DCAF8L2: variants seen among roughly 807,000 people sequenced by gnomAD.
DCAF8L2 encodes the protein DDB1- and CUL4-associated factor 8-like protein 2.
For missense variants in DCAF8L2, 430 were observed against 490.7 expected, an observed-to-expected ratio of 0.88 and a Z score of 1.17; for synonymous variants, 200 against 190.9, an observed-to-expected ratio of 1.05 and a Z score of -0.39.
At chrX:27,721,921 G>C (rs920785117) in intron 4 of DCAF8L2, among the ~76,000 whole-genome samples, 1 of 111,696 alleles carries the variant, frequency 9.0e-6, no homozygotes, top group Non-Finnish European at 1.9e-5. Flanking sequence ...ACCAAGCTCA[G>C]ATGGTTTCAC....
chrX:27,615,765 A>G, intron 1 of DCAF8L2, among the ~76,000 whole-genome samples: 2 of 111,575 alleles, frequency 1.8e-5, no homozygotes, highest in Admixed American at 1.9e-4. Context: ...GAATATTAAA[A>G]TACTAAGTTC....
the DCAF8L2 span, among the ~76,000 whole-genome samples, chrX:27,583,534 C>T: frequency 3.6e-5 from 4 of 110,997 alleles, no homozygotes; most frequent in Non-Finnish European, 7.6e-5. Flanking sequence ...GTGCCTGGCC[C>T]TCTGAATCTG....
intron 4 of DCAF8L2, among the ~76,000 whole-genome samples, chrX:27,741,098 A>T (rs941339643): frequency 1.3e-4 from 15 of 111,946 alleles, no homozygotes; most frequent in African/African-American, 3.9e-4. Flanking sequence ...AAAAACTTAA[A>T]TGAAAAGCCA....
intron 1 of DCAF8L2, among the ~76,000 whole-genome samples, chrX:27,591,713 G>A (rs748820997): frequency 2.7e-5 from 3 of 111,660 alleles, no homozygotes; most frequent in South Asian, 7.6e-4. Context: ...AACAATAAAC[G>A]AAGGCTCAGG....
chrX:27,580,845 C>T, the DCAF8L2 span, among the ~76,000 whole-genome samples: 2 of 111,800 alleles, frequency 1.8e-5, no homozygotes, highest in African/African-American at 6.5e-5. Context: ...ATTTTCTACA[C>T]CAGTGCTATC....
chrX:27,621,922 G>C (rs1927779162), intron 1 of DCAF8L2, among the ~76,000 whole-genome samples: 1 of 110,176 alleles, frequency 9.1e-6, no homozygotes, highest in Admixed American at 9.7e-5. Context: ...GAGACTGAGA[G>C]GTCAAGGCTG....
the DCAF8L2 span, among the ~76,000 whole-genome samples, chrX:27,506,762 C>T: frequency 0.064 from 7,166 of 111,130 alleles, 553 homozygotes; most frequent in African/African-American, 0.22. Context: ...AATCTTGGCT[C>T]ACTGCAACCT....
At chrX:27,513,842 T>C in the DCAF8L2 span, among the ~76,000 whole-genome samples, 2 of 111,629 alleles carry the variant, frequency 1.8e-5, no homozygotes, top group Non-Finnish European at 3.8e-5. Context: ...CATTGATATA[T>C]TACTTTACCC....
At chrX:27,735,851 C>T (rs1317418439) in intron 4 of DCAF8L2, among the ~76,000 whole-genome samples, 1 of 110,674 alleles carries the variant, frequency 9.0e-6, no homozygotes, top group African/African-American at 3.3e-5. Flanking sequence ...CTAATAGAAT[C>T]GGAAATTTAG....
the DCAF8L2 span, among the ~76,000 whole-genome samples, chrX:27,528,083 ATT>A: frequency 7.1e-5 from 4 of 56,737 alleles, no homozygotes; most frequent in South Asian, 1.3e-3. Context: ...AATTAAATTA[ATT>A]ATTAGACTAA....
chrX:27,502,182 G>T, the DCAF8L2 span, among the ~76,000 whole-genome samples: 1 of 102,680 alleles, frequency 9.7e-6, no homozygotes, highest in African/African-American at 3.5e-5. Flanking sequence ...TTAGCCTGGC[G>T]TGGTGGCAGG....
chrX:27,630,406 C>A (rs1362787465), intron 1 of DCAF8L2, among the ~76,000 whole-genome samples: 1 of 111,486 alleles, frequency 9.0e-6, no homozygotes. Context: ...AAGCCCCTGA[C>A]CAGATGGCTT....
intron 3 of DCAF8L2, among the ~76,000 whole-genome samples, chrX:27,689,832 A>G (rs1379690273): frequency 3.6e-5 from 4 of 112,086 alleles, no homozygotes; most frequent in African/African-American, 6.5e-5. Context: ...GCAGACATTA[A>G]CCAGAAAAAC....
intron 2 of DCAF8L2, among the ~76,000 whole-genome samples, chrX:27,649,099 C>T (rs957117555): frequency 1.8e-5 from 2 of 112,209 alleles, no homozygotes; most frequent in African/African-American, 6.5e-5. Flanking sequence ...TTACAGCCTC[C>T]AGCTGCATCC....
chrX:27,528,051 T>TATTAAATTAAATTTTTAATTTAATTAATC, the DCAF8L2 span, among the ~76,000 whole-genome samples: 1 of 42,417 alleles, frequency 2.4e-5, no homozygotes, highest in Non-Finnish European at 7.0e-5. Flanking sequence ...TTTAATTAAT[T>TATTAAATTAAATTTTTAATTTAATTAATC]ATTAAATTAA....
At chrX:27,515,466 A>G in the DCAF8L2 span, among the ~76,000 whole-genome samples, 3 of 111,832 alleles carry the variant, frequency 2.7e-5, no homozygotes, top group Non-Finnish European at 5.6e-5. Flanking sequence ...AATCACCTGA[A>G]CCTGGGAGGT....
At chrX:27,621,423 A>C (rs1020049222) in intron 1 of DCAF8L2, among the ~76,000 whole-genome samples, 1 of 111,631 alleles carries the variant, frequency 9.0e-6, no homozygotes, top group Non-Finnish European at 1.9e-5. Context: ...ATAGGAAAAA[A>C]TAATAAGCAA....
At chrX:27,573,838 T>G in the DCAF8L2 span, among the ~76,000 whole-genome samples, 1 of 108,749 alleles carries the variant, frequency 9.2e-6, no homozygotes, top group Non-Finnish European at 1.9e-5. Flanking sequence ...TTGGAGACTA[T>G]GCACTTCTTT....
chrX:27,713,248 T>A (rs1931589011), intron 3 of DCAF8L2, among the ~76,000 whole-genome samples: 1 of 111,359 alleles, frequency 9.0e-6, no homozygotes, highest in Non-Finnish European at 1.9e-5. Context: ...AGACTGAGAA[T>A]AAAATAATGG....
Sources: gnomAD v4.1 joint callset for allele counts (sites outside exome capture counted in the v4.1 genomes callset) on GRCh38, gnomAD v4.1.1 for gene constraint, MANE v1.5 for transcripts, NCBI Gene and HGNC (gene_info 2026-07-23, HGNC 2026-07-21) for gene names.